TRAK2: variants seen among roughly 807,000 people sequenced by gnomAD.
The protein encoded by TRAK2 is trafficking kinesin-binding protein 2.
TRAK2 carries 81 observed loss-of-function variants against 104.6 expected under a neutral mutation model. The ratio of observed to expected loss-of-function variants is 0.77; its 90% CI spans 0.65 to 0.93. The LOEUF (loss-of-function observed/expected upper bound fraction) is 0.93, where lower values mean the gene tolerates loss of function less well. Ranked by LOEUF, TRAK2 falls within the 40% of genes least tolerant of loss-of-function variation. The pLI, the probability that TRAK2 is intolerant of heterozygous loss-of-function variation, is 0.00. For missense variants in TRAK2, 1,002 were observed against 1,089.0 expected (o/e 0.92, Z 1.12); for synonymous variants, 406 against 394.4 (o/e 1.03, Z -0.35).
At chr2:201,405,818 A>C (rs1409214441) in intron 3 of TRAK2, among the ~76,000 whole-genome samples, 1 of 152,162 alleles carries the variant, frequency 6.6e-6, no homozygotes, top group African/African-American at 2.4e-5. Flanking sequence ...CCCCGTCTCT[A>C]CTAAAAATAC....
intron 1 of TRAK2, among the ~76,000 whole-genome samples, chr2:201,431,870 T>C (rs532775067): frequency 6.6e-6 from 1 of 152,310 alleles, no homozygotes; most frequent in Non-Finnish European, 1.5e-5. Flanking sequence ...TTTTCATCTG[T>C]TAAGTGGGCC....
intron 11 of TRAK2, 84 bp from the exon 12 acceptor site, chr2:201,389,587 A>T (rs1315700198): frequency 7.4e-7 from 1 of 1,347,468 alleles, no homozygotes; most frequent in African/African-American, 1.4e-5. Flanking sequence ...GTCCATCAGA[A>T]ATAAAGCCAC....
chr2:201,427,481 T>A (rs925679515), intron 1 of TRAK2, among the ~76,000 whole-genome samples: 5 of 152,170 alleles, frequency 3.3e-5, no homozygotes, highest in Non-Finnish European at 7.3e-5. Context: ...TTCATCCATG[T>A]CCCCACAAAG....
intron 1 of TRAK2, among the ~76,000 whole-genome samples, chr2:201,422,741 C>G (rs535495356): frequency 8.0e-4 from 122 of 152,058 alleles, no homozygotes; most frequent in African/African-American, 2.8e-3. Context: ...CCAGTTCAGC[C>G]AAGAGATTGG....
intron 12 of TRAK2, among the ~76,000 whole-genome samples, 171 bp downstream of exon 12, chr2:201,389,129 C>T (rs1251839043): frequency 2.0e-5 from 3 of 152,174 alleles, no homozygotes; most frequent in South Asian, 4.1e-4. Context: ...AAAAATTTGA[C>T]TTTGGCATGA....
chr2:201,422,049 C>CAAA (rs71022367), intron 1 of TRAK2, among the ~76,000 whole-genome samples: 1 of 91,080 alleles, frequency 1.1e-5, no homozygotes, highest in African/African-American at 4.4e-5. Flanking sequence ...GACTCTGTCT[C>CAAA]AAAAAAAAAA....
At chr2:201,444,427 A>T (rs918945231) in intron 1 of TRAK2, among the ~76,000 whole-genome samples, 2 of 148,388 alleles carry the variant, frequency 1.3e-5, no homozygotes, top group African/African-American at 2.5e-5. Flanking sequence ...ATTCTTCATC[A>T]CTCTCTTAAC....
rs1203800746 is a variant in TRAK2, at chr2:201,379,376, T to C, written c.*1167A>G. Reference sequence around the variant, plus strand: ...CATTAAAAAGTTTATTCTCTAATTCTATAAATATCAAGAAGGCAGATGTGT... The same window carrying C: ...CATTAAAAAGTTTATTCTCTAATTCCATAAATATCAAGAAGGCAGATGTGT... On this transcript the variant is annotated 3_prime_UTR_variant, in exon 16 of 16. Transcript: ENST00000332624. 1.3e-5 allele frequency: 2 copies of C among 152,588 alleles called. No homozygotes were observed. The highest frequency in any genetic ancestry group is 2.9e-5 in the Non-Finnish European group (2 of 68,048). The allele number at this position is 152,588 out of a possible 1,614,324, so 9.5% of individuals were successfully genotyped here.
At chr2:201,438,091 A>AG in intron 1 of TRAK2, among the ~76,000 whole-genome samples, 1 of 152,326 alleles carries the variant, frequency 6.6e-6, no homozygotes, top group South Asian at 2.1e-4. Context: ...TACACAATTG[A>AG]AGAGGAGACA....
chr2:201,443,710 A>G (rs1488828648), intron 1 of TRAK2, among the ~76,000 whole-genome samples: 2 of 151,798 alleles, frequency 1.3e-5, no homozygotes, highest in Non-Finnish European at 1.5e-5. Flanking sequence ...ACACCCTACT[A>G]CCAATATATA....
At chr2:201,410,605 G>A (rs1559446334) in intron 2 of TRAK2, 1 of 1,271,684 alleles carries the variant, frequency 7.9e-7, no homozygotes, top group African/African-American at 1.5e-5. Flanking sequence ...AGCAGTTGGT[G>A]GCTATGCAAA....
chr2:201,420,366 C>T (rs1267941812), intron 2 of TRAK2, 51 bp downstream of exon 2: 4 of 1,496,868 alleles, frequency 2.7e-6, no homozygotes, highest in East Asian at 2.3e-5. Context: ...GAGGCATTTG[C>T]ATTTTCTCCT....
intron 13 of TRAK2, among the ~76,000 whole-genome samples, chr2:201,386,857 T>C (rs1377822196): frequency 6.6e-6 from 1 of 152,128 alleles, no homozygotes; most frequent in Non-Finnish European, 1.5e-5. Flanking sequence ...GAACTATGCC[T>C]ATGAAGGTGA....
intron 13 of TRAK2, 96 bp downstream of exon 13, chr2:201,387,607 A>G: frequency 7.8e-7 from 1 of 1,281,860 alleles, no homozygotes; most frequent in Non-Finnish European, 1.1e-6. Flanking sequence ...TCATCTGCAC[A>G]TAATGTTCCT....
chr2:201,393,168 T>G, intron 9 of TRAK2, 122 bp from the exon 10 acceptor site: 1 of 894,052 alleles, frequency 1.1e-6, no homozygotes, highest in African/African-American at 1.7e-5. Context: ...TTTATGAATA[T>G]CATTTCAATA....
chr2:201,442,840 C>G (rs1951936494), intron 1 of TRAK2, among the ~76,000 whole-genome samples: 1 of 152,140 alleles, frequency 6.6e-6, no homozygotes, highest in South Asian at 2.1e-4. Flanking sequence ...ATTAGTATTC[C>G]TCTTAGAGAA....
At chr2:201,402,317 T>G (rs1951557081) in intron 3 of TRAK2, among the ~76,000 whole-genome samples, 2 of 152,192 alleles carry the variant, frequency 1.3e-5, no homozygotes, top group South Asian at 4.1e-4. Context: ...TAGATATGTT[T>G]TACTTTTATC....
At chr2:201,384,014 C>T in intron 15 of TRAK2, 97 bp downstream of exon 15, 1 of 780,978 alleles carries the variant, frequency 1.3e-6, no homozygotes, top group Non-Finnish European at 2.2e-6. Flanking sequence ...CATTAATTAA[C>T]ATTCTGGAAA....
intron 1 of TRAK2, among the ~76,000 whole-genome samples, chr2:201,449,571 G>A (rs1357617705): frequency 7.3e-6 from 1 of 137,360 alleles, no homozygotes; most frequent in Non-Finnish European, 1.5e-5. Context: ...CGCAACCTCC[G>A]CCTCCTGGGT....
Sources: allele counts gnomAD v4.1 joint callset (sites outside exome capture counted in the v4.1 genomes callset), GRCh38; gene constraint gnomAD v4.1.1; transcripts MANE v1.5; gene names NCBI Gene and HGNC (gene_info 2026-07-23, HGNC 2026-07-21).